The following NOD1 variants were observed in gnomAD, a reference collection of about 807,000 sequenced individuals.
The protein encoded by NOD1 is nucleotide-binding oligomerization domain-containing protein 1.
NOD1 carries 70 observed loss-of-function variants against 81.2 expected under a neutral mutation model. The ratio of observed to expected loss-of-function variants is 0.86; its 90% CI spans 0.71 to 1.05. NOD1 has a LOEUF of 1.05. Among genes scored for constraint, NOD1 ranks in the 50% least tolerant of loss-of-function variants. The probability of loss-of-function intolerance (pLI) is 0.00; values close to 1 mark genes in which losing one functional copy is unlikely to be tolerated. For synonymous variants in NOD1, 508 were observed against 526.9 expected (o/e 0.96, Z 0.49); for missense variants, 1,233 against 1,228.0 (o/e 1.00, Z -0.06).
In NOD1 at chr7:30,452,585, C is replaced by G. The variant is rs766935307; in HGVS notation, c.832G>C (p.Val278Leu). 2 of 1,613,404 alleles carry G rather than the reference C, an allele frequency of 1.2e-6. No individual in the cohort carries two copies. Among genetic ancestry groups the G allele is most frequent in the African/African-American group, 2.7e-5 (2 of 74,924 alleles). The change falls in exon 6 of 14, where the codon GTG (valine) becomes CTG (leucine). Residue 278 changes from valine (V) to leucine (L), a missense_variant. By Grantham distance (32) the Val-to-Leu change is conservative. Coordinates refer to ENST00000222823, the MANE Select transcript of NOD1 (RefSeq NM_006092.4). ...AGGCCATCGAAGGTGAAGAGGGCCA[C>G]GTGGGGGAAGCGCAGCAGGAAGGCA... ...VFAFLLRFPH[V>L]ALFTFDGLDE...
intron 6 of NOD1, among the ~76,000 whole-genome samples, chr7:30,449,512 A>G (rs1371812871): frequency 6.6e-6 from 1 of 152,176 alleles, no homozygotes; most frequent in African/African-American, 2.4e-5. Flanking sequence ...ACTGATAGCT[A>G]GAGTGTCGAC....
rs745386380 is a variant in NOD1 at position 30,437,595 on chromosome 7, G to A, written c.2515C>T (p.His839Tyr). 18 of 1,508,600 alleles carry A rather than the reference G, an allele frequency of 1.2e-5. No individual in the cohort carries two copies. The highest frequency in any genetic ancestry group is 2.8e-5 in the Admixed American group (1 of 35,408). The allele number at this position is 1,508,600 out of a possible 1,614,324, so 93.5% of individuals were successfully genotyped here. A position where few individuals can be genotyped will look rare whatever the true frequency, so the allele number is the denominator to read the frequency against. The change falls in exon 10 of 14, where the codon CAC becomes TAC. Residue 839 changes from histidine (H) to tyrosine (Y), a missense_variant. Physicochemically the swap from His to Tyr is moderately conservative, Grantham distance 83 (BLOSUM62 2). Transcript: ENST00000222823. ...TACCTCAGGGTGGTCAAGCTGGGGT[G>A]GTTCCGCAGAGCCTCTGCGAAGGCT... is the stretch of plus-strand genomic sequence containing the variant. Reference protein sequence around the residue: ...AKAFAEALRNHPSLTTLSLAS... With the variant: ...AKAFAEALRNYPSLTTLSLAS...
intron 13 of NOD1, among the ~76,000 whole-genome samples, chr7:30,427,418 G>A (rs969099778): frequency 3.3e-5 from 5 of 152,224 alleles, no homozygotes; most frequent in Middle Eastern, 3.2e-3. Context: ...TCCAAGCAGA[G>A]CTGCTCCCTG....
chr7:30,425,779 G>A, intron 13 of NOD1, 69 bp from the exon 14 acceptor site: 2 of 1,061,394 alleles, frequency 1.9e-6, no homozygotes, highest in South Asian at 2.5e-5. Context: ...TCCTTCCCAA[G>A]GTGTGTTCAT....
chr7:30,426,755 G>A (rs1783491011), intron 13 of NOD1, among the ~76,000 whole-genome samples: 1 of 152,040 alleles, frequency 6.6e-6, no homozygotes, highest in Non-Finnish European at 1.5e-5. Flanking sequence ...TCTGAACCCT[G>A]GGGCACAGCA....
chr7:30,450,842 G>C (rs993526273), intron 6 of NOD1, among the ~76,000 whole-genome samples: 1 of 152,140 alleles, frequency 6.6e-6, no homozygotes, highest in Admixed American at 6.5e-5. Context: ...GACAATAACA[G>C]TACCTAAGTT....
At chr7:30,477,206 C>A (rs911790249) in intron 1 of NOD1, among the ~76,000 whole-genome samples, 11 of 152,342 alleles carry the variant, frequency 7.2e-5, no homozygotes, top group South Asian at 2.1e-4. Flanking sequence ...ACTCTTCTTA[C>A]AATATTTGAA....
At chr7:30,476,560 A>C (rs1474983412) in intron 1 of NOD1, among the ~76,000 whole-genome samples, 1 of 152,238 alleles carries the variant, frequency 6.6e-6, no homozygotes, top group African/African-American at 2.4e-5. Flanking sequence ...GTCAGCAGGG[A>C]GCAACGTGCG....
chr7:30,438,229 C>A (rs181333255), intron 9 of NOD1, among the ~76,000 whole-genome samples: 4 of 152,188 alleles, frequency 2.6e-5, no homozygotes, highest in Non-Finnish European at 4.4e-5. Flanking sequence ...TGGACAGGTG[C>A]GGCGATAAAG....
chr7:30,435,296 G>A (rs1286509792), intron 11 of NOD1, among the ~76,000 whole-genome samples: 1 of 152,176 alleles, frequency 6.6e-6, no homozygotes, highest in Non-Finnish European at 1.5e-5. Context: ...TGAAGACCTG[G>A]GGAAGGAGGA....
chr7:30,429,606 G>T, intron 12 of NOD1, 149 bp from the exon 13 acceptor site: 1 of 671,206 alleles, frequency 1.5e-6, no homozygotes. Flanking sequence ...GGCTAAAAGT[G>T]TCCAGGTAAG....
chr7:30,466,060 T>G (rs1029098465), intron 1 of NOD1, among the ~76,000 whole-genome samples: 3 of 152,202 alleles, frequency 2.0e-5, no homozygotes, highest in African/African-American at 7.2e-5. Flanking sequence ...TCTGCAACCT[T>G]GGCGGCCACA....
At chr7:30,428,680 T>A (rs931564814) in intron 13 of NOD1, 1 of 152,144 alleles carries the variant, frequency 6.6e-6, no homozygotes, top group African/African-American at 2.4e-5. Context: ...TGTTTTTTTT[T>A]AATTGGCTAT....
At position 30,452,974 on chromosome 7, in the gene NOD1, G is replaced by A. The variant is rs766706770; in HGVS notation, c.443C>T (p.Ala148Val). The A allele has an allele frequency of 1.9e-6, 3 of 1,613,890 alleles. No individual in the cohort carries two copies. The highest frequency in any genetic ancestry group is 2.5e-6 in the Non-Finnish European group (3 of 1,180,012). ...CTCCAGCAGCAGCTCCTCCTTCTGG[G>A]CATAGCACAGCACGAACTTGGAGTC... ...GRDSKFVLCY[A>V]QKEELLLEEI... Residue 148 changes from alanine (A) to valine (V), a missense_variant, in exon 6 of 14, where the codon GCC becomes GTC. Coordinates refer to ENST00000222823, the MANE Select transcript of NOD1 (RefSeq NM_006092.4).
At chr7:30,465,787 G>C (rs988212691) in intron 1 of NOD1, among the ~76,000 whole-genome samples, 1 of 152,190 alleles carries the variant, frequency 6.6e-6, no homozygotes, top group Non-Finnish European at 1.5e-5. Context: ...CAATGTAGCA[G>C]ATGCTATCTT....
At position 30,473,081 on chromosome 7, in the gene NOD1, G is replaced by A. The variant is rs117139630; in HGVS notation, c.-352+5525C>T. 7.4e-3 allele frequency among the ~76,000 whole-genome samples: 1,127 copies of A among 152,300 alleles called. 8 individuals carry two copies. The highest frequency in any genetic ancestry group is 0.014 in the Middle Eastern group (4 of 294). ...CTAACAGCCTTCCACACCAGGGTAGGGGGCCAGCAGAGCACTTCACACACA... is the reference window on the plus strand; with the variant it reads ...CTAACAGCCTTCCACACCAGGGTAGAGGGCCAGCAGAGCACTTCACACACA... On this transcript the variant is annotated intron_variant, in intron 1 of 13. Coordinates refer to ENST00000222823, the MANE Select transcript of NOD1 (RefSeq NM_006092.4).
chr7:30,447,091 A>T (rs1785184573), intron 7 of NOD1, 41 bp from the exon 8 acceptor site: 5 of 1,613,146 alleles, frequency 3.1e-6, no homozygotes, highest in Non-Finnish European at 4.2e-6. Flanking sequence ...CTGGCTCCTG[A>T]TGTCATTTTA....
rs752170395 is a variant in NOD1, at chr7:30,452,896, A to T, written c.521T>A (p.Leu174Gln). Reference protein sequence around the residue: ...MELVGFSNESLGSLNSLACLL... With the variant: ...MELVGFSNESQGSLNSLACLL... ...GCAGGCCAGGCTGTTCAGGCTGCCC[A>T]GGCTCTCATTGCTGAAGCCAACCAG... Residue 174 changes from leucine (L) to glutamine (Q), a missense_variant, in exon 6 of 14, where the codon CTG becomes CAG. Physicochemically the swap from Leu to Gln is moderately radical, Grantham distance 113. Transcript: ENST00000222823. The T allele has an allele frequency of 1.2e-6, 2 of 1,614,030 alleles. No individual in the cohort carries two copies. Among genetic ancestry groups the T allele is most frequent in the Non-Finnish European group, 1.7e-6 (2 of 1,180,032 alleles).
At position 30,474,819 on chromosome 7, in the gene NOD1, C is replaced by T. The variant is rs181370185; in HGVS notation, c.-352+3787G>A. Reference sequence around the variant, plus strand: ...AAACCCATTGTTTCTTCCATTTCAGCCCTGCATGTCTGGTATACTTTATAG... The same window carrying T: ...AAACCCATTGTTTCTTCCATTTCAGTCCTGCATGTCTGGTATACTTTATAG... On this transcript the variant is annotated intron_variant, in intron 1 of 13. Transcript: ENST00000222823. Among the ~76,000 whole-genome samples, 25 of 152,294 alleles carry T rather than the reference C, an allele frequency of 1.6e-4. No individual in the cohort carries two copies. In the East Asian group the frequency reaches 3.9e-3, roughly 23 times the overall value.
Sources: allele counts gnomAD v4.1 joint callset (sites outside exome capture counted in the v4.1 genomes callset), GRCh38; gene constraint gnomAD v4.1.1; transcripts MANE v1.5; gene names NCBI Gene and HGNC (gene_info 2026-07-23, HGNC 2026-07-21).